PKHD1: variants seen among roughly 807,000 people sequenced by gnomAD.
PKHD1 encodes PKHD1 ciliary IPT domain containing fibrocystin/polyductin, also known as fibrocystin.
PKHD1 carries 291 observed loss-of-function variants against 412.0 expected under a neutral mutation model. The observed-to-expected ratio is 0.71, with a 90% CI of 0.64 to 0.78. The LOEUF (loss-of-function observed/expected upper bound fraction) is 0.78. Among genes scored for constraint, PKHD1 ranks in the 30% least tolerant of loss-of-function variants. PKHD1 has a pLI of 0.00. For missense variants in PKHD1, 4,825 were observed against 4,950.7 expected (o/e 0.97, Z 0.76); for synonymous variants, 1,777 against 1,821.5 (o/e 0.98, Z 0.62).
intron 43 of PKHD1, among the ~76,000 whole-genome samples, chr6:51,892,882 G>A (rs972612904): frequency 3.3e-5 from 5 of 152,108 alleles, no homozygotes; most frequent in Non-Finnish European, 7.4e-5. Context: ...TCTATTAGTT[G>A]GCAAATATAA....
intron 51 of PKHD1, among the ~76,000 whole-genome samples, 198 bp from the exon 52 acceptor site, chr6:51,831,187 A>C (rs1464615274): frequency 6.6e-6 from 1 of 152,176 alleles, no homozygotes; most frequent in African/African-American, 2.4e-5. Context: ...TTCTGAAAAA[A>C]ATCCCACTTT....
intron 35 of PKHD1, among the ~76,000 whole-genome samples, chr6:51,968,328 A>C (rs1208277439): frequency 6.6e-6 from 1 of 152,220 alleles, no homozygotes. Context: ...ACAATCAATT[A>C]GGAGAATGGG....
intron 43 of PKHD1, among the ~76,000 whole-genome samples, chr6:51,887,875 C>T (rs1185259563): frequency 6.6e-6 from 1 of 152,220 alleles, no homozygotes; most frequent in Non-Finnish European, 1.5e-5. Context: ...CTTCCTCCAG[C>T]CAGCTCAACT....
At chr6:51,795,254 G>T in intron 52 of PKHD1, among the ~76,000 whole-genome samples, 1 of 152,102 alleles carries the variant, frequency 6.6e-6, no homozygotes, top group East Asian at 1.9e-4. Flanking sequence ...TCCCTTGTTA[G>T]CTGTATTCAC....
intron 33 of PKHD1, 109 bp downstream of exon 33, chr6:52,022,692 T>G: frequency 1.8e-6 from 2 of 1,109,248 alleles, no homozygotes; most frequent in South Asian, 2.6e-5. Context: ...TAGGCACACA[T>G]AGAGAAATTA....
At chr6:51,899,178 CA>C (rs1182011382) in intron 43 of PKHD1, among the ~76,000 whole-genome samples, 2 of 152,194 alleles carry the variant, frequency 1.3e-5, no homozygotes, top group African/African-American at 4.8e-5. Flanking sequence ...AGGCCAGCAT[CA>C]TTCTGATACC....
Position 51,680,037 on chromosome 6 carries a change from T to C in PKHD1, c.10157-20068A>G, listed in dbSNP as rs181775426. ...CATCTCAGTTTTCTCCTTTGCAAAG[T>C]AGGAATAATAATGCTACGGTATCAA... is the stretch of plus-strand genomic sequence containing the variant. On this transcript the variant is annotated intron_variant, in intron 60 of 66. Transcript: ENST00000371117. Among the ~76,000 whole-genome samples, 7 of 152,016 alleles carry C rather than the reference T, an allele frequency of 4.6e-5. No homozygotes were observed. The East Asian group carries it at 1.4e-3, about 29-fold the overall frequency.
At chr6:52,069,630 A>T in intron 10 of PKHD1, 103 bp from the exon 11 acceptor site, 1 of 842,460 alleles carries the variant, frequency 1.2e-6, no homozygotes, top group Admixed American at 1.7e-5. Context: ...ACCTCTATTG[A>T]TCTTTAGAAC....
chr6:51,996,123 A>G (rs1797683098), intron 35 of PKHD1, among the ~76,000 whole-genome samples: 1 of 148,864 alleles, frequency 6.7e-6, no homozygotes, highest in African/African-American at 2.5e-5. Flanking sequence ...CTCCTGCCTC[A>G]GCCTCCCAAG....
intron 33 of PKHD1, among the ~76,000 whole-genome samples, chr6:52,019,511 A>T (rs946945180): frequency 6.6e-6 from 1 of 152,240 alleles, no homozygotes; most frequent in Non-Finnish European, 1.5e-5. Context: ...GGCAAATAAA[A>T]ACAAGCTCCA....
chr6:51,699,292 A>G (rs113196503), intron 60 of PKHD1, among the ~76,000 whole-genome samples: 26 of 152,134 alleles, frequency 1.7e-4, no homozygotes, highest in African/African-American at 5.8e-4. Context: ...TACTGTCTCT[A>G]TAGTTTTTCC....
intron 63 of PKHD1, among the ~76,000 whole-genome samples, chr6:51,646,947 C>A (rs1487374493): frequency 6.6e-6 from 1 of 152,098 alleles, no homozygotes; most frequent in Non-Finnish European, 1.5e-5. Context: ...CTGCTTAAAA[C>A]CCTCCAATGG....
At chr6:51,863,740 C>T (rs1331371950) in intron 48 of PKHD1, among the ~76,000 whole-genome samples, 1 of 152,114 alleles carries the variant, frequency 6.6e-6, no homozygotes, top group Non-Finnish European at 1.5e-5. Context: ...TAGCATTTTA[C>T]TCCTGGGTCT....
In PKHD1 at chr6:51,861,688, A is replaced by G. The variant is rs1364314071; in HGVS notation, c.7734-5618T>C. On this transcript the variant is annotated intron_variant, in intron 48 of 66. Transcript: ENST00000371117. ...ACTATTCTATCTGCTAACACCTGCC[A>G]CCATTCCGTAATATTTCATTATCAT... is the stretch of plus-strand genomic sequence containing the variant. Among the ~76,000 whole-genome samples the G allele has an allele frequency of 7.2e-5, 11 of 152,180 alleles. 1 individual carries two copies. The highest frequency in any genetic ancestry group is 1.5e-5 in the Non-Finnish European group (1 of 68,042).
In PKHD1 at chr6:52,046,032, T is replaced by C; in HGVS notation, c.2564A>G (p.Gln855Arg). Residue 855 changes from glutamine (Q) to arginine (R), a missense_variant, in exon 24 of 67, where the codon CAG becomes CGG. Transcript: ENST00000371117. ...EHVWTLSWST[Q>R]IGDLPNFIRV... is the part of the protein sequence containing the mutation. ...GATAAAATTGGGCAAATCCCCAATC[T>C]GAGTGGACCAGGACAAGGTCCACAC... 1 of 1,613,720 alleles carries C rather than the reference T, an allele frequency of 6.2e-7. No homozygotes were observed. Among genetic ancestry groups the C allele is most frequent in the Non-Finnish European group, 8.5e-7 (1 of 1,179,664 alleles).
At chr6:51,637,789 A>G (rs980187216) in intron 64 of PKHD1, among the ~76,000 whole-genome samples, 5 of 152,094 alleles carry the variant, frequency 3.3e-5, no homozygotes, top group African/African-American at 1.2e-4. Context: ...CTGTAATCCC[A>G]GTGACTCAGG....
intron 35 of PKHD1, among the ~76,000 whole-genome samples, chr6:51,972,473 C>T (rs1793808965): frequency 6.6e-6 from 1 of 152,208 alleles, no homozygotes; most frequent in Admixed American, 6.5e-5. Flanking sequence ...AATGAGGAAA[C>T]CCAGGAAGAT....
In PKHD1 at chr6:52,076,385, C is replaced by T. The variant is rs1360353328; in HGVS notation, c.391-52G>A. 3.8e-6 allele frequency: 5 copies of T among 1,324,896 alleles called. No homozygotes were observed. In the African/African-American group the frequency reaches 7.2e-5, roughly 19 times the overall value. The allele number at this position is 1,324,896 out of a possible 1,614,324, so 82.1% of individuals were successfully genotyped here. A position where few individuals can be genotyped will look rare whatever the true frequency, so the allele number is the denominator to read the frequency against. On this transcript the variant is annotated intron_variant, in intron 5 of 66. Transcript: ENST00000371117. ...AGCATGTCATTAAAATATTCACAAA[C>T]ACAGGAGGCACAAGCCTTTCCTCAG... is the stretch of plus-strand genomic sequence containing the variant.
intron 35 of PKHD1, among the ~76,000 whole-genome samples, chr6:51,995,877 C>A (rs1250497546): frequency 4.6e-5 from 7 of 152,068 alleles, no homozygotes; most frequent in Non-Finnish European, 8.8e-5. Flanking sequence ...TTATCTAGGC[C>A]CTTCATAACT....
Sources: allele counts gnomAD v4.1 joint callset (sites outside exome capture counted in the v4.1 genomes callset), GRCh38; gene constraint gnomAD v4.1.1; transcripts MANE v1.5; gene names NCBI Gene and HGNC (gene_info 2026-07-23, HGNC 2026-07-21).